The following ANXA1 variants were observed in gnomAD, a reference collection of about 807,000 sequenced individuals.
The protein encoded by ANXA1 is annexin A1, also known as annexin I (lipocortin I).
Under a neutral mutation model 47.9 loss-of-function variants are expected in ANXA1, and 39 were observed. That is an observed-to-expected ratio of 0.81 (90% CI 0.63 to 1.06). The LOEUF is 1.06. Among genes scored for constraint, ANXA1 ranks in the 50% least tolerant of loss-of-function variants. ANXA1 has a pLI of 0.00. For missense variants in ANXA1, 446 were observed against 422.7 expected, an observed-to-expected ratio of 1.06 and a Z score of -0.48; for synonymous variants, 146 against 142.5, an observed-to-expected ratio of 1.02 and a Z score of -0.17.
rs1036290701 is a variant in ANXA1, at chr9:73,161,003, T to C, written c.475+110T>C. On this transcript the variant is annotated intron_variant, in intron 6 of 12. Transcript: ENST00000257497. ...TTATGGCAGCTTTGGAATCTCCACA[T>C]ATCAAAATGTTTCTTTATTGTTTGG... 4.3e-6 allele frequency: 3 copies of C among 699,370 alleles called. No homozygotes were observed. In the African/African-American group the frequency reaches 5.5e-5, roughly 13 times the overall value. 43.3% of individuals were successfully genotyped at this position (699,370 alleles called of 1,614,324 possible).
chr9:73,167,706 C>T (rs1486208749), intron 11 of ANXA1, 151 bp downstream of exon 11: 1 of 676,878 alleles, frequency 1.5e-6, no homozygotes, highest in Non-Finnish European at 2.4e-6. Flanking sequence ...AATACACTAC[C>T]TTCTCAGAAT....
At chr9:73,167,443 A>T (rs930678777) in intron 10 of ANXA1, 54 bp from the exon 11 acceptor site, 2 of 1,508,700 alleles carry the variant, frequency 1.3e-6, no homozygotes, top group Non-Finnish European at 9.2e-7. Flanking sequence ...TTTCATATGG[A>T]TATTTCATTT....
At chr9:73,166,218 T>A (rs1216787558) in intron 10 of ANXA1, 26 bp downstream of exon 10, 7 of 1,513,584 alleles carry the variant, frequency 4.6e-6, no homozygotes, top group Non-Finnish European at 6.3e-6. Flanking sequence ...GTTGAAAGAG[T>A]TTTCTAACTA....
chr9:73,161,905 G>T (rs961913160), intron 6 of ANXA1, among the ~76,000 whole-genome samples: 3 of 152,216 alleles, frequency 2.0e-5, no homozygotes, highest in Non-Finnish European at 4.4e-5. Context: ...CGTTTGTGTT[G>T]CTATAAAGAA....
At chr9:73,163,248 C>T (rs555800786) in intron 7 of ANXA1, among the ~76,000 whole-genome samples, 42 of 152,248 alleles carry the variant, frequency 2.8e-4, no homozygotes, top group African/African-American at 9.6e-4. Flanking sequence ...AAATACCTCC[C>T]TCTAGGCCCC....
chr9:73,156,399 A>C (rs533464363), intron 1 of ANXA1, among the ~76,000 whole-genome samples: 4 of 152,220 alleles, frequency 2.6e-5, no homozygotes, highest in African/African-American at 9.6e-5. Flanking sequence ...CAATTGCATG[A>C]AACTAGACTG....
chr9:73,158,920 C>CTTT, intron 3 of ANXA1, 117 bp downstream of exon 3: 3 of 860,442 alleles, frequency 3.5e-6, no homozygotes, highest in Non-Finnish European at 5.4e-6. Flanking sequence ...AAGATAAAAA[C>CTTT]ATTTCTTTGC....
chr9:73,153,033 T>C (rs550423061), intron 1 of ANXA1, among the ~76,000 whole-genome samples: 1 of 152,316 alleles, frequency 6.6e-6, no homozygotes, highest in African/African-American at 2.4e-5. Flanking sequence ...TGTAAGAGAA[T>C]GCACATTGCA....
Position 73,162,830 on chromosome 9 carries a change from A to G in ANXA1, c.524A>G (p.Asp175Gly), listed in dbSNP as rs1824165810. The G allele has an allele frequency of 6.2e-7, 1 of 1,613,118 alleles. No individual in the cohort carries two copies. The highest frequency in any genetic ancestry group is 1.1e-5 in the South Asian group (1 of 91,014). ...GACATAACCTCAGACACATCTGGAG[A>G]TTTTCGGAACGCTTTGCTTTCTCTT... ...AKDITSDTSG[D>G]FRNALLSLAK... Residue 175 changes from aspartate to glycine, a missense_variant, in exon 7 of 13, where the codon GAT becomes GGT. By Grantham distance (94) the Asp-to-Gly change is moderately conservative. Transcript: ENST00000257497.
intron 10 of ANXA1, 64 bp from the exon 11 acceptor site, chr9:73,167,433 T>C: frequency 6.8e-7 from 1 of 1,472,804 alleles, no homozygotes; most frequent in Non-Finnish European, 9.5e-7. Flanking sequence ...TTCCTGTTTC[T>C]TTCATATGGA....
Position 73,169,167 on chromosome 9 carries a change from T to C in ANXA1, c.984+13T>C, listed in dbSNP as rs747640646. On this transcript the variant is annotated intron_variant, in intron 12 of 12. Coordinates refer to ENST00000257497, the MANE Select transcript of ANXA1 (RefSeq NM_000700.3). ...CCAAGCCATCCTGGTATGTTTTGAT[T>C]CCTCTAATGCCATCCCAACAAATGA... is the stretch of plus-strand genomic sequence containing the variant. 18 of 1,603,006 alleles carry C rather than the reference T, an allele frequency of 1.1e-5. No individual in the cohort carries two copies. Among genetic ancestry groups the C allele is most frequent in the Middle Eastern group, 1.7e-4 (1 of 6,020 alleles).
At chr9:73,160,168 T>A (rs1173405557) in intron 4 of ANXA1, 95 bp from the exon 5 acceptor site, 3 of 739,580 alleles carry the variant, frequency 4.1e-6, no homozygotes, top group African/African-American at 1.8e-5. Context: ...GGTTTAGGGA[T>A]GAGTTGTACG....
chr9:73,164,756 A>C (rs1179693825), intron 8 of ANXA1, among the ~76,000 whole-genome samples: 1 of 152,178 alleles, frequency 6.6e-6, no homozygotes, highest in Non-Finnish European at 1.5e-5. Context: ...TTATTGATTT[A>C]TAAGTAACAT....
intron 1 of ANXA1, among the ~76,000 whole-genome samples, chr9:73,153,616 C>A (rs890179850): frequency 3.3e-5 from 5 of 152,070 alleles, no homozygotes; most frequent in African/African-American, 7.2e-5. Flanking sequence ...GAGGTCAGAT[C>A]GCCAGATAAT....
chr9:73,166,972 G>C (rs558304231), intron 10 of ANXA1, among the ~76,000 whole-genome samples: 9 of 151,952 alleles, frequency 5.9e-5, no homozygotes, highest in African/African-American at 1.7e-4. Context: ...TTATTTGTTT[G>C]TGCAACTCTT....
chr9:73,158,262 G>C (rs1810039789), intron 1 of ANXA1: 1 of 383,736 alleles, frequency 2.6e-6, no homozygotes, highest in Non-Finnish European at 4.9e-6. Context: ...GTAGTTGTCT[G>C]ATCTCTAAAA....
chr9:73,165,928 T>C (rs1326396235), intron 9 of ANXA1, among the ~76,000 whole-genome samples, 169 bp from the exon 10 acceptor site: 1 of 152,122 alleles, frequency 6.6e-6, no homozygotes, highest in Non-Finnish European at 1.5e-5. Context: ...GTTACATTCC[T>C]AGGAGAGGAT....
Position 73,161,000 on chromosome 9 carries a change from A to G in ANXA1, c.475+107A>G, listed in dbSNP as rs536465711. Reference sequence around the variant, plus strand: ...TAATTATGGCAGCTTTGGAATCTCCACATATCAAAATGTTTCTTTATTGTT... The same window carrying G: ...TAATTATGGCAGCTTTGGAATCTCCGCATATCAAAATGTTTCTTTATTGTT... On this transcript the variant is annotated intron_variant, in intron 6 of 12. Transcript: ENST00000257497. The G allele has an allele frequency of 7.0e-6, 5 of 718,276 alleles. No individual in the cohort carries two copies. In the Admixed American group the frequency reaches 7.7e-5, roughly 11 times the overall value. 44.5% of individuals were successfully genotyped at this position (718,276 alleles called of 1,614,324 possible).
intron 1 of ANXA1, among the ~76,000 whole-genome samples, chr9:73,157,362 T>G (rs1296800515): frequency 1.3e-5 from 2 of 152,126 alleles, no homozygotes; most frequent in African/African-American, 4.8e-5. Context: ...ACCTTATAAA[T>G]GTAATCATTG....
Sources: allele counts gnomAD v4.1 joint callset (sites outside exome capture counted in the v4.1 genomes callset), GRCh38; gene constraint gnomAD v4.1.1; transcripts MANE v1.5; gene names NCBI Gene and HGNC (gene_info 2026-07-23, HGNC 2026-07-21).